The following PECR variants were observed in gnomAD, a reference collection of about 807,000 sequenced individuals.
PECR encodes 2,4-dienoyl-CoA reductase-related protein.
In PECR, 30 loss-of-function variants were observed where a neutral mutation model predicts 35.3. That is an observed-to-expected ratio of 0.85 (90% CI 0.64 to 1.15). The LOEUF is 1.15. PECR is among the 50% of genes most tolerant of loss of function. The probability of loss-of-function intolerance (pLI) is 0.00; values close to 1 mark genes in which losing one functional copy is unlikely to be tolerated. For missense variants in PECR, 392 were observed against 370.8 expected (o/e 1.06, Z -0.47); for synonymous variants, 148 against 138.9 (o/e 1.07, Z -0.46).
chr2:216,030,944 TCTCTCTCTCTCTCACACA>T (rs1180188127), intron 7 of PECR, among the ~76,000 whole-genome samples: 37 of 57,438 alleles, frequency 6.4e-4, no homozygotes, highest in Non-Finnish European at 1.1e-3. Context: ...TCTCTCTCTC[TCTCTCTCTCTCTCACACA>T]CACACACACA....
At chr2:216,040,542 T>C (rs2105941763) in intron 7 of PECR, among the ~76,000 whole-genome samples, 1 of 152,082 alleles carries the variant, frequency 6.6e-6, no homozygotes, top group East Asian at 1.9e-4. Flanking sequence ...GTGTGAGCCA[T>C]GGTGCCCAGC....
At chr2:216,040,294 G>C (rs13014210) in intron 7 of PECR, among the ~76,000 whole-genome samples, 1 of 151,852 alleles carries the variant, frequency 6.6e-6, no homozygotes, top group Admixed American at 6.5e-5. Context: ...ACAGGGTCTT[G>C]CTCTGTCAGC....
At chr2:216,029,285 G>A (rs917552888) in intron 7 of PECR, among the ~76,000 whole-genome samples, 2 of 152,056 alleles carry the variant, frequency 1.3e-5, no homozygotes, top group African/African-American at 2.4e-5. Flanking sequence ...TGAGACCATC[G>A]TCGCCAACAT....
chr2:216,035,818 C>G (rs1694785327), downstream of PECR, among the ~76,000 whole-genome samples: 1 of 152,126 alleles, frequency 6.6e-6, no homozygotes, highest in Non-Finnish European at 1.5e-5. Context: ...AGTCTTAGTC[C>G]TAGTGGTGCA....
intron 1 of PECR, among the ~76,000 whole-genome samples, chr2:216,072,371 A>G (rs1229877049): frequency 6.6e-6 from 1 of 152,260 alleles, no homozygotes; most frequent in East Asian, 1.9e-4. Flanking sequence ...GCTACTGCAT[A>G]TGAAAATAAG....
Position 216,081,792 on chromosome 2 carries a change from G to A in PECR, c.-51C>T, listed in dbSNP as rs376603255. ...TGAGCGCAGGCCCTTCTGGGTCTCA[G>A]GGACATTCGAGGCGGGCGGGCGGAC... On this transcript the variant is annotated 5_prime_UTR_variant, in exon 1 of 8. Transcript: ENST00000265322. The A allele has an allele frequency of 8.6e-5, 138 of 1,601,434 alleles. No homozygotes were observed. Among genetic ancestry groups the A allele is most frequent in the Admixed American group, 4.9e-4 (29 of 59,256 alleles).
At chr2:216,047,085 T>C (rs552286917) in intron 6 of PECR, among the ~76,000 whole-genome samples, 62 of 152,168 alleles carry the variant, frequency 4.1e-4, no homozygotes, top group African/African-American at 1.4e-3. Flanking sequence ...CTGACCAGCA[T>C]GAAGAAACCC....
At chr2:216,046,101 CA>C (rs766629600) in intron 6 of PECR, among the ~76,000 whole-genome samples, 5,181 of 98,724 alleles carry the variant, frequency 0.052, 77 homozygotes, top group Non-Finnish European at 0.064. Flanking sequence ...TCGCTTGAAC[CA>C]AAAAAAAAAA....
At chr2:216,046,144 C>A (rs991772287) in intron 6 of PECR, among the ~76,000 whole-genome samples, 2 of 149,420 alleles carry the variant, frequency 1.3e-5, no homozygotes, top group Non-Finnish European at 3.0e-5. Context: ...TTAAATGTAG[C>A]TATTTTAAAG....
At chr2:216,071,054 C>T (rs1308094203) in intron 1 of PECR, among the ~76,000 whole-genome samples, 2 of 152,156 alleles carry the variant, frequency 1.3e-5, no homozygotes, top group Non-Finnish European at 2.9e-5. Flanking sequence ...AATGTGCAGC[C>T]TTGGTGGTTC....
At chr2:216,031,216 G>A (rs527366069) in intron 7 of PECR, among the ~76,000 whole-genome samples, 106 of 152,030 alleles carry the variant, frequency 7.0e-4, no homozygotes, top group Middle Eastern at 3.4e-3. Context: ...AGACCAGCCT[G>A]GCCAACACGG....
rs1371299000 is a variant in PECR at position 216,039,361 on chromosome 2, C to T, written c.827-1G>A. The T allele has an allele frequency of 6.3e-6, 10 of 1,582,792 alleles. No homozygotes were observed. Among genetic ancestry groups the T allele is most frequent in the African/African-American group, 1.3e-5 (1 of 74,284 alleles). On this transcript the variant is annotated splice_acceptor_variant, in intron 7 of 7. Coordinates refer to ENST00000265322, the MANE Select transcript of PECR (RefSeq NM_018441.6). LOFTEE classifies it high-confidence loss of function. ...GCTCCCTTGGGCCAGTTGTCATGATCTGTTAAAGAAGTGGAAAGCCTCCTG... is the reference window on the plus strand; with the variant it reads ...GCTCCCTTGGGCCAGTTGTCATGATTTGTTAAAGAAGTGGAAAGCCTCCTG...
chr2:216,065,161 T>C, intron 3 of PECR, 151 bp downstream of exon 3: 1 of 712,276 alleles, frequency 1.4e-6, no homozygotes, highest in Non-Finnish European at 2.5e-6. Flanking sequence ...GCCAAATTAC[T>C]ATACTGAAAT....
rs939374340 is a variant in PECR at position 216,044,145 on chromosome 2, A to G, written c.715-130T>C. On this transcript the variant is annotated intron_variant, in intron 6 of 7. Coordinates refer to ENST00000265322, the MANE Select transcript of PECR (RefSeq NM_018441.6). Reference sequence around the variant, plus strand: ...TGAATCCAACAGTGTGTGCATGTGCACCACAACCTCACAGTACATAGACAA... The same window carrying G: ...TGAATCCAACAGTGTGTGCATGTGCGCCACAACCTCACAGTACATAGACAA... The G allele has an allele frequency of 5.9e-6, 4 of 678,680 alleles. No individual in the cohort carries two copies. The African/African-American group carries it at 7.1e-5, about 12-fold the overall frequency. The allele number at this position is 678,680 out of a possible 1,614,324, so 42.0% of individuals were successfully genotyped here.
In PECR at chr2:216,066,500, G is replaced by C. The variant is rs374328703; in HGVS notation, c.143C>G (p.Ala48Gly). The C allele has an allele frequency of 9.3e-6, 15 of 1,613,756 alleles. No homozygotes were observed. Among genetic ancestry groups the C allele is most frequent in the African/African-American group, 4.0e-5 (3 of 74,886 alleles). Residue 48 changes from alanine (A) to glycine (G), a missense_variant, in exon 2 of 8, where the codon GCA (alanine) becomes GGA (glycine). Coordinates refer to ENST00000265322, the MANE Select transcript of PECR (RefSeq NM_018441.6). ...LLELGSNVVI[A>G]SRKLERLKSA... ...CTTCAATCTCTCCAACTTACGGGAT[G>C]CAATGACCACATTACTCCCTGAGGA... is the stretch of plus-strand genomic sequence containing the variant.
rs1264953470 is a variant in PECR, at chr2:216,031,580, AAAG to A, written c.*440+7608_*440+7610del. 2.1e-4 allele frequency among the ~76,000 whole-genome samples: 29 copies of A among 140,844 alleles called. No individual in the cohort carries two copies. In the East Asian group the frequency reaches 5.7e-3, roughly 28 times the overall value. 92.4% of individuals were successfully genotyped at this position (140,844 alleles called of 152,430 possible). A position where few individuals can be genotyped will look rare whatever the true frequency, so the allele number is the denominator to read the frequency against. On this transcript the variant is annotated intron_variant and NMD_transcript_variant, in intron 7 of 7. Transcript: ENST00000442122. ...GAGGGAGGGAAGGAAGGAAGGAAAGAAAGAAGGAAAGAAAAGAAGGAAAGAAGG... is the reference window on the plus strand; with the variant it reads ...GAGGGAGGGAAGGAAGGAAGGAAAGAAAGGAAAGAAAAGAAGGAAAGAAGG...
chr2:216,066,625 T>C, intron 1 of PECR, 107 bp from the exon 2 acceptor site: 3 of 937,592 alleles, frequency 3.2e-6, no homozygotes, highest in Non-Finnish European at 5.3e-6. Context: ...TATGCCTTCA[T>C]GAGTTGTCCA....
intron 1 of PECR, among the ~76,000 whole-genome samples, chr2:216,076,992 C>T (rs1342146254): frequency 7.5e-6 from 1 of 133,200 alleles, no homozygotes; most frequent in Admixed American, 7.7e-5. Flanking sequence ...ACCTCTGCCT[C>T]CCGGGTTCAG....
intron 6 of PECR, among the ~76,000 whole-genome samples, chr2:216,047,983 A>AT (rs34079201): frequency 0.053 from 7,082 of 134,772 alleles, 200 homozygotes; most frequent in African/African-American, 0.089. Flanking sequence ...GAGGCAGGTG[A>AT]TTTTTTTTTT....
Sources: allele counts gnomAD v4.1 joint callset (sites outside exome capture counted in the v4.1 genomes callset), GRCh38; gene constraint gnomAD v4.1.1; transcripts MANE v1.5; gene names NCBI Gene and HGNC (gene_info 2026-07-23, HGNC 2026-07-21).